Variants in NFXL1 observed in about 807,000 individuals in gnomAD.
NFXL1 encodes the protein nuclear transcription factor, X-box binding like 1, also known as NF-X1-type zinc finger protein NFXL1.
Under a neutral mutation model 123.3 loss-of-function variants are expected in NFXL1, and 66 were observed. The ratio of observed to expected loss-of-function variants is 0.54; its 90% CI spans 0.44 to 0.66. The LOEUF (loss-of-function observed/expected upper bound fraction) is 0.66, where lower values mean the gene tolerates loss of function less well. NFXL1 is among the 30% of genes least tolerant of loss of function. The probability of loss-of-function intolerance (pLI) is 0.00; values close to 1 mark genes in which losing one functional copy is unlikely to be tolerated. For synonymous variants in NFXL1, 346 were observed against 360.8 expected, an observed-to-expected ratio of 0.96 and a Z score of 0.46; for missense variants, 944 against 1,125.6, an observed-to-expected ratio of 0.84 and a Z score of 2.31.
chr4:47,892,946 C>A (rs1736861989), intron 11 of NFXL1, among the ~76,000 whole-genome samples: 1 of 152,042 alleles, frequency 6.6e-6, no homozygotes, highest in Admixed American at 6.6e-5. Context: ...GATATTAAAA[C>A]AGACATTACA....
chr4:47,883,810 C>T (rs914723492), intron 15 of NFXL1, among the ~76,000 whole-genome samples: 1 of 152,190 alleles, frequency 6.6e-6, no homozygotes, highest in Non-Finnish European at 1.5e-5. Context: ...TGTGCTTTTT[C>T]CCCTATACTC....
At chr4:47,880,426 C>CAA (rs752132328) in intron 15 of NFXL1, among the ~76,000 whole-genome samples, 67 of 35,782 alleles carry the variant, frequency 1.9e-3, no homozygotes, top group Middle Eastern at 0.014. Flanking sequence ...GATCCAGTCT[C>CAA]AAAAAAAAAA....
chr4:47,887,811 C>T (rs545969834), intron 12 of NFXL1, among the ~76,000 whole-genome samples: 12 of 152,142 alleles, frequency 7.9e-5, no homozygotes, highest in Admixed American at 4.6e-4. Flanking sequence ...AGTCTCCCTA[C>T]TGACCAACAG....
In NFXL1 at chr4:47,880,151, T is replaced by C. The variant is rs114843147; in HGVS notation, c.1917-1034A>G. On this transcript the variant is annotated intron_variant, in intron 15 of 22. Coordinates refer to ENST00000507489, the MANE Select transcript of NFXL1 (RefSeq NM_001278624.2). ...TGGCTCACACCTGTAATCCCTACAC[T>C]TTAGGAGGCTGAGACAGGAGGATCA... is the stretch of plus-strand genomic sequence containing the variant. Among the ~76,000 whole-genome samples the C allele has an allele frequency of 2.9e-3, 436 of 151,942 alleles. 2 individuals carry two copies. Among genetic ancestry groups the C allele is most frequent in the Middle Eastern group, 0.01 (3 of 294 alleles).
chr4:47,851,106 G>A lies in NFXL1; in HGVS notation c.2551C>T (p.Arg851Ter), dbSNP rs2110023014. ...TTTTGTTTGGTTACCTGTTGTCTTC[G>A]TTTTTCTTCTTCAAGAGCAGCTTTG... ...EAKAALEEEK[R>*]RQQAELEAFE... The change falls in exon 22 of 23, where the codon CGA (arginine) becomes TGA (stop). Residue 851 changes from arginine (R) to a stop codon, truncating the protein, a stop_gained. Transcript: ENST00000507489. LOFTEE classifies it high-confidence loss of function. 1.9e-6 allele frequency: 3 copies of A among 1,610,940 alleles called. No individual in the cohort carries two copies. Among genetic ancestry groups the A allele is most frequent in the South Asian group, 1.1e-5 (1 of 90,988 alleles).
chr4:47,897,730 CTA>C (rs1419630594), intron 9 of NFXL1, among the ~76,000 whole-genome samples: 1 of 152,092 alleles, frequency 6.6e-6, no homozygotes, highest in Admixed American at 6.5e-5. Context: ...TGAAAATCTT[CTA>C]TGTCTCTCCT....
At chr4:47,852,578 T>C (rs1258708487) in intron 20 of NFXL1, among the ~76,000 whole-genome samples, 2 of 152,030 alleles carry the variant, frequency 1.3e-5, no homozygotes, top group Admixed American at 6.6e-5. Context: ...TAGATGAAAA[T>C]TGTTCTAAAG....
chr4:47,864,934 G>C (rs536004294), intron 18 of NFXL1, among the ~76,000 whole-genome samples: 4 of 152,118 alleles, frequency 2.6e-5, no homozygotes, highest in Admixed American at 2.6e-4. Context: ...ACTTGAAGCC[G>C]GTCAGTCAGA....
intron 20 of NFXL1, chr4:47,852,348 T>G (rs1179479853): frequency 5.8e-6 from 1 of 171,386 alleles, no homozygotes; most frequent in Non-Finnish European, 1.2e-5. Flanking sequence ...TCTGCATTAG[T>G]CCACAGAGTA....
At chr4:47,870,776 T>G (rs774648535) in intron 18 of NFXL1, among the ~76,000 whole-genome samples, 20 of 152,082 alleles carry the variant, frequency 1.3e-4, no homozygotes, top group Non-Finnish European at 2.4e-4. Flanking sequence ...AATGTCTAAG[T>G]CCTGGGCTAG....
intron 4 of NFXL1, among the ~76,000 whole-genome samples, chr4:47,904,178 GGCCACAGAAGC>G (rs1471830865): frequency 3.9e-5 from 6 of 152,056 alleles, no homozygotes; most frequent in Non-Finnish European, 8.8e-5. Flanking sequence ...TACCACTAAG[GGCCACAGAAGC>G]TCAATCCTCC....
At chr4:47,859,913 T>A (rs1039211194) in intron 19 of NFXL1, among the ~76,000 whole-genome samples, 1 of 121,092 alleles carries the variant, frequency 8.3e-6, no homozygotes. Context: ...ATCTCACTCA[T>A]ACGTGAAATA....
intron 10 of NFXL1, 25 bp from the exon 11 acceptor site, chr4:47,894,327 T>A: frequency 6.5e-7 from 1 of 1,532,754 alleles, no homozygotes; most frequent in Non-Finnish European, 8.8e-7. Flanking sequence ...GAAATGCTAT[T>A]AAAATTGATT....
chr4:47,850,468 CAAAT>C (rs1734058532), intron 22 of NFXL1, among the ~76,000 whole-genome samples: 1 of 151,902 alleles, frequency 6.6e-6, no homozygotes, highest in African/African-American at 2.4e-5. Flanking sequence ...TACAAACTGA[CAAAT>C]AATAATAAAA....
chr4:47,849,951 TA>T (rs1475101658), intron 22 of NFXL1, among the ~76,000 whole-genome samples: 113 of 111,152 alleles, frequency 1.0e-3, no homozygotes, highest in African/African-American at 3.7e-3. Flanking sequence ...GCGTATTATT[TA>T]TTTTTTTTTT....
chr4:47,913,316 A>G (rs1254859978), intron 2 of NFXL1, among the ~76,000 whole-genome samples: 1 of 152,224 alleles, frequency 6.6e-6, no homozygotes, highest in Non-Finnish European at 1.5e-5. Context: ...AAGTATTGAT[A>G]TATCGGAGGC....
At chr4:47,890,846 G>A in intron 11 of NFXL1, 143 bp from the exon 12 acceptor site, 5 of 574,002 alleles carry the variant, frequency 8.7e-6, no homozygotes, top group East Asian at 2.9e-5. Context: ...ACATTCTTCT[G>A]GTAAGTAAAC....
intron 18 of NFXL1, among the ~76,000 whole-genome samples, chr4:47,865,549 A>G (rs1482755008): frequency 6.6e-6 from 1 of 151,928 alleles, no homozygotes; most frequent in East Asian, 1.9e-4. Context: ...AAGTATTTTC[A>G]TAGAGCTAGT....
intron 18 of NFXL1, among the ~76,000 whole-genome samples, chr4:47,870,503 T>C (rs969227082): frequency 6.6e-6 from 1 of 151,980 alleles, no homozygotes; most frequent in African/African-American, 2.4e-5. Flanking sequence ...GCAGGGCCAA[T>C]ACTATTTAAC....
Sources: allele counts gnomAD v4.1 joint callset (sites outside exome capture counted in the v4.1 genomes callset), GRCh38; gene constraint gnomAD v4.1.1; transcripts MANE v1.5; gene names NCBI Gene and HGNC (gene_info 2026-07-23, HGNC 2026-07-21).